CELF3: variants seen among roughly 807,000 people sequenced by gnomAD.
CELF3 encodes the protein CAG repeat domain.
Under a neutral mutation model 59.6 loss-of-function variants are expected in CELF3, and 26 were observed. The ratio of observed to expected loss-of-function variants is 0.44; its 90% CI spans 0.32 to 0.61. The LOEUF (loss-of-function observed/expected upper bound fraction) is 0.61, where lower values mean the gene tolerates loss of function less well. Ranked by LOEUF, CELF3 falls within the 20% of genes least tolerant of loss-of-function variation. The pLI, the probability that CELF3 is intolerant of heterozygous loss-of-function variation, is 0.06. For missense variants in CELF3, 387 were observed against 627.2 expected (o/e 0.62, Z 4.09); for synonymous variants, 245 against 250.7 (o/e 0.98, Z 0.22).
intron 12 of CELF3, among the ~76,000 whole-genome samples, chr1:151,703,797 G>T (rs896481678): frequency 1.8e-4 from 27 of 152,122 alleles, no homozygotes; most frequent in African/African-American, 6.5e-4. Flanking sequence ...AGAGAAGGGG[G>T]TGCGTGTAAG....
At chr1:151,703,736 GA>G (rs1296087408) in intron 12 of CELF3, among the ~76,000 whole-genome samples, 2 of 152,066 alleles carry the variant, frequency 1.3e-5, no homozygotes, top group African/African-American at 4.8e-5. Context: ...GAGGGGGAGA[GA>G]GGCAAAGAGA....
intron 2 of CELF3, chr1:151,710,418 G>A (rs1001429815): frequency 3.4e-6 from 1 of 294,482 alleles, no homozygotes; most frequent in Admixed American, 4.3e-5. Context: ...TCGCCCTGGC[G>A]ACCGTGGTGA....
At chr1:151,707,123 G>A in intron 8 of CELF3, 22 bp downstream of exon 8, 1 of 1,462,492 alleles carries the variant, frequency 6.8e-7, no homozygotes, top group Non-Finnish European at 9.0e-7. Flanking sequence ...CTGGGACGGA[G>A]TGGGCAGGCA....
intron 12 of CELF3, among the ~76,000 whole-genome samples, chr1:151,704,411 G>A (rs1187226245): frequency 6.6e-6 from 1 of 152,140 alleles, no homozygotes; most frequent in African/African-American, 2.4e-5. Flanking sequence ...AACTTCACAG[G>A]CGGCGCGACA....
intron 2 of CELF3, chr1:151,713,523 CTG>C (rs1340486077): frequency 2.0e-5 from 3 of 152,222 alleles, no homozygotes; most frequent in Non-Finnish European, 4.4e-5. Flanking sequence ...GAGATGAAAA[CTG>C]TTGATTTGTG....
Position 151,708,631 on chromosome 1 carries a change from G to A in CELF3, c.486+367C>T, listed in dbSNP as rs1015548898. Among the ~76,000 whole-genome samples the A allele has an allele frequency of 3.3e-5, 5 of 152,250 alleles. No individual in the cohort carries two copies. The East Asian group carries it at 9.7e-4, about 29-fold the overall frequency. Reference sequence around the variant, plus strand: ...ACTGACCTAACGCTGCTGTGCAGGGGCAGGGAAGAGGGGTGCACGTGGGGC... The same window carrying A: ...ACTGACCTAACGCTGCTGTGCAGGGACAGGGAAGAGGGGTGCACGTGGGGC... On this transcript the variant is annotated intron_variant, in intron 5 of 12. Transcript: ENST00000290583.
intron 7 of CELF3, 44 bp from the exon 8 acceptor site, chr1:151,707,338 C>T: frequency 1.3e-6 from 2 of 1,554,318 alleles, no homozygotes; most frequent in Non-Finnish European, 1.7e-6. Flanking sequence ...GGAGCAGACA[C>T]ACACACAGGC....
chr1:151,706,429 G>A, intron 9 of CELF3, 68 bp from the exon 10 acceptor site: 1 of 1,459,718 alleles, frequency 6.9e-7, no homozygotes, highest in East Asian at 2.5e-5. Flanking sequence ...AGCCAACCCT[G>A]TCTCCCTTCC....
rs991802695 is a variant in CELF3 at position 151,700,412 on chromosome 1, A to T, written c.*3047T>A. On this transcript the variant is annotated 3_prime_UTR_variant, in exon 13 of 13. Transcript: ENST00000290583. ...TGTGCCAGACACTGTAGTAACTGGG[A>T]ATGAAAAGACATGGGAGAAAAGGGA... Among the ~76,000 whole-genome samples, 6 of 152,238 alleles carry T rather than the reference A, an allele frequency of 3.9e-5. No homozygotes were observed. Among genetic ancestry groups the T allele is most frequent in the Non-Finnish European group, 7.3e-5 (5 of 68,048 alleles).
Position 151,707,300 on chromosome 1 carries a change from G to C in CELF3, c.773-6C>G. The C allele has an allele frequency of 6.4e-7, 1 of 1,569,012 alleles. No homozygotes were observed. Among genetic ancestry groups the C allele is most frequent in the Non-Finnish European group, 8.6e-7 (1 of 1,159,286 alleles). On this transcript the variant is annotated splice_region_variant and splice_polypyrimidine_tract_variant and intron_variant, in intron 7 of 12. Coordinates refer to ENST00000290583, the MANE Select transcript of CELF3 (RefSeq NM_007185.7). ...GGCAGGAGGGGTGCTGGTTCCTGGG[G>C]AGGAGAAAGCGACAGGGAGAGAGCA...
rs1672853086 is a variant in CELF3 at position 151,709,664 on chromosome 1, AAGGCTACCCCTCGACAACTCC to A, written c.277+58_277+78del. 2.9e-6 allele frequency: 4 copies of A among 1,398,854 alleles called. No homozygotes were observed. Among genetic ancestry groups the A allele is most frequent in the Non-Finnish European group, 4.1e-6 (4 of 983,876 alleles). The allele number at this position is 1,398,854 out of a possible 1,614,324, so 86.7% of individuals were successfully genotyped here. A position where few individuals can be genotyped will look rare whatever the true frequency, so the allele number is the denominator to read the frequency against. On this transcript the variant is annotated intron_variant, in intron 3 of 12. Transcript: ENST00000290583. The surrounding 1 kb of genome is among the most constrained non-coding windows in gnomAD (Gnocchi z 4.9). Reference sequence around the variant, plus strand: ...AATCATCAGGCTTTCTCCCTCAAGAAAGGCTACCCCTCGACAACTCCAGGCCCTGGGCCTGGGGGTGGGAGG... The same window carrying A: ...AATCATCAGGCTTTCTCCCTCAAGAAAGGCCCTGGGCCTGGGGGTGGGAGG...
At position 151,709,114 on chromosome 1, in the gene CELF3, A is replaced by G. The variant is rs773834667; in HGVS notation, c.407-37T>C. ...GAGATGGAGGAGGAGAGGGGTAAGC[A>G]CCCATCCCTGCGGGACCCCGCGGTG... On this transcript the variant is annotated intron_variant, in intron 4 of 12. Transcript: ENST00000290583. The surrounding 1 kb of genome is among the most constrained non-coding windows in gnomAD (Gnocchi z 4.9). 1.2e-6 allele frequency: 2 copies of G among 1,609,816 alleles called. No homozygotes were observed. Among genetic ancestry groups the G allele is most frequent in the South Asian group, 2.2e-5 (2 of 90,788 alleles).
chr1:151,710,890 AGAG>A (rs1672969691), intron 2 of CELF3: 2 of 455,010 alleles, frequency 4.4e-6, no homozygotes, highest in Admixed American at 2.4e-5. Context: ...AACTGGAGAA[AGAG>A]GAGAAGGACT....
chr1:151,706,133 C>A, intron 10 of CELF3, 91 bp downstream of exon 10: 1 of 1,605,870 alleles, frequency 6.2e-7, no homozygotes, highest in Non-Finnish European at 8.5e-7. Context: ...CATCCTGACA[C>A]GTGGGCAAGA....
In CELF3 at chr1:151,704,820, T is replaced by TGAGA. The variant is rs952610429; in HGVS notation, c.*10+207_*10+210dup. Among the ~76,000 whole-genome samples the TGAGA allele has an allele frequency of 1.0e-4, 15 of 148,262 alleles. No individual in the cohort carries two copies. In the South Asian group the frequency reaches 1.5e-3, roughly 15 times the overall value. ...TGGGGTCACGGAGGGTGTGTGTGTGTGAGAGAGAGAGAGAGAGAGAGAGTG... is the reference window on the plus strand; with the variant it reads ...TGGGGTCACGGAGGGTGTGTGTGTGTGAGAGAGAGAGAGAGAGAGAGAGAGAGTG... On this transcript the variant is annotated intron_variant, in intron 12 of 12. Coordinates refer to ENST00000290583, the MANE Select transcript of CELF3 (RefSeq NM_007185.7).
chr1:151,709,187 G>T lies in CELF3; in HGVS notation c.406+33C>A, dbSNP rs1381685289. On this transcript the variant is annotated intron_variant, in intron 4 of 12. Transcript: ENST00000290583. The surrounding 1 kb of genome is among the most constrained non-coding windows in gnomAD (Gnocchi z 4.9). ...TGGGGGTGGAACAGGAAGGGGAAGGGCCCGGTGGGGAAGGGGGAAGTGGGT... is the reference window on the plus strand; with the variant it reads ...TGGGGGTGGAACAGGAAGGGGAAGGTCCCGGTGGGGAAGGGGGAAGTGGGT... 1.2e-6 allele frequency: 2 copies of T among 1,611,008 alleles called. No individual in the cohort carries two copies. Among genetic ancestry groups the T allele is most frequent in the Admixed American group, 1.7e-5 (1 of 59,956 alleles).
intron 5 of CELF3, chr1:151,708,276 C>T: frequency 3.7e-6 from 1 of 269,816 alleles, no homozygotes; most frequent in Non-Finnish European, 7.0e-6. Context: ...TAATCTCAGG[C>T]TAGTCTTCCC....
rs1672218740 is a variant in CELF3 at position 151,703,243 on chromosome 1, A to G, written c.*216T>C. 1 of 457,338 alleles carries G rather than the reference A, an allele frequency of 2.2e-6. No homozygotes were observed. 28.3% of individuals were successfully genotyped at this position (457,338 alleles called of 1,614,324 possible). A position where few individuals can be genotyped will look rare whatever the true frequency, so the allele number is the denominator to read the frequency against. On this transcript the variant is annotated 3_prime_UTR_variant, in exon 13 of 13. Transcript: ENST00000290583. ...AAAGGCCAAAAGGGCATCTAGGAGGAAATGGGCCCTTGGAGCCAGGGAAGC... is the reference window on the plus strand; with the variant it reads ...AAAGGCCAAAAGGGCATCTAGGAGGGAATGGGCCCTTGGAGCCAGGGAAGC...
At position 151,710,048 on chromosome 1, in the gene CELF3, G is replaced by A. The variant is rs955934629; in HGVS notation, c.229-257C>T. ...GTTGGGCTCCTGATGACTTGGCCAG[G>A]GATGGGTGCTGCTGTCCTGAGTGGG... On this transcript the variant is annotated intron_variant, in intron 2 of 12. Coordinates refer to ENST00000290583, the MANE Select transcript of CELF3 (RefSeq NM_007185.7). 2.1e-5 allele frequency: 11 copies of A among 526,716 alleles called. No homozygotes were observed. The Admixed American group carries it at 2.2e-4, about 11-fold the overall frequency. The allele number at this position is 526,716 out of a possible 1,614,324, so 32.6% of individuals were successfully genotyped here.
Sources: allele counts gnomAD v4.1 joint callset (sites outside exome capture counted in the v4.1 genomes callset), GRCh38; gene constraint gnomAD v4.1.1; non-coding constraint Gnocchi (gnomAD v3.1); transcripts MANE v1.5; gene names NCBI Gene and HGNC (gene_info 2026-07-23, HGNC 2026-07-21).